FSHR: variants seen among roughly 807,000 people sequenced by gnomAD.
The protein encoded by FSHR is follicle-stimulating hormone receptor.
FSHR carries 46 observed loss-of-function variants against 52.1 expected under a neutral mutation model. The observed-to-expected ratio is 0.88, with a 90% CI of 0.70 to 1.13. The LOEUF is 1.13. Among genes scored for constraint, FSHR ranks in the 50% most tolerant of loss-of-function variants. The pLI is 0.00. For synonymous variants in FSHR, 399 were observed against 309.6 expected, an observed-to-expected ratio of 1.29 and a Z score of -3.03; for missense variants, 964 against 834.6, an observed-to-expected ratio of 1.16 and a Z score of -1.91.
chr2:49,054,107 T>C (rs1474272726), intron 2 of FSHR, among the ~76,000 whole-genome samples: 2 of 152,214 alleles, frequency 1.3e-5, no homozygotes, highest in African/African-American at 2.4e-5. Context: ...CCCATTGTGT[T>C]ACCTTGGACA....
intron 1 of FSHR, among the ~76,000 whole-genome samples, chr2:49,127,860 T>TTCCTCTTCCTCTTCCTCTTCCTCTTCC (rs1558456890): frequency 2.6e-5 from 1 of 38,390 alleles, no homozygotes; most frequent in African/African-American, 2.3e-4. Context: ...CTTCTTCTTC[T>TTCCTCTTCCTCTTCCTCTTCCTCTTCC]TCTTCTTCTT....
chr2:49,137,311 T>A (rs1404599430), intron 1 of FSHR, among the ~76,000 whole-genome samples: 1 of 152,010 alleles, frequency 6.6e-6, no homozygotes, highest in Non-Finnish European at 1.5e-5. Flanking sequence ...AAAACTTATG[T>A]CTTGAAAACT....
chr2:48,991,736 A>G (rs1315654773), intron 4 of FSHR, among the ~76,000 whole-genome samples: 1 of 152,146 alleles, frequency 6.6e-6, no homozygotes, highest in Non-Finnish European at 1.5e-5. Context: ...GAATTATTGG[A>G]CGCATTGTTC....
intron 4 of FSHR, chr2:48,997,249 C>T: frequency 1.0e-5 from 10 of 985,082 alleles, no homozygotes; most frequent in Non-Finnish European, 1.1e-5. Context: ...GTAGGAAAGC[C>T]TGGTTTCTTG....
chr2:49,102,283 C>A (rs1558442106), intron 1 of FSHR, among the ~76,000 whole-genome samples: 1 of 152,100 alleles, frequency 6.6e-6, no homozygotes, highest in Non-Finnish European at 1.5e-5. Flanking sequence ...TCCTTTGGGA[C>A]TTTGCTGGGA....
At chr2:49,108,168 G>T (rs1426588720) in intron 1 of FSHR, among the ~76,000 whole-genome samples, 1 of 152,106 alleles carries the variant, frequency 6.6e-6, no homozygotes, top group Non-Finnish European at 1.5e-5. Context: ...TGCTTAAGCT[G>T]AGACACTGGT....
At position 49,068,249 on chromosome 2, in the gene FSHR, G is replaced by T; in HGVS notation, c.194C>A (p.Ala65Glu). ...CTCCAGGTCCCCAAATCCTGAAAAT[G>T]CACCTTTTTGGATGACTCGAAGCTT... ...LTKLRVIQKG[A>E]FSGFGDLEKI... is the part of the protein sequence containing the mutation. Residue 65 changes from alanine to glutamate, a missense_variant, in exon 2 of 10, where the codon GCA (alanine) becomes GAA (glutamate). Coordinates refer to ENST00000406846, the MANE Select transcript of FSHR (RefSeq NM_000145.4). 1 of 1,611,212 alleles carries T rather than the reference G, an allele frequency of 6.2e-7. No individual in the cohort carries two copies. The highest frequency in any genetic ancestry group is 8.5e-7 in the Non-Finnish European group (1 of 1,178,600).
At chr2:49,136,232 T>C (rs1377782650) in intron 1 of FSHR, among the ~76,000 whole-genome samples, 1 of 152,076 alleles carries the variant, frequency 6.6e-6, no homozygotes, top group Admixed American at 6.6e-5. Flanking sequence ...TTTTTACAAA[T>C]GCACACCAAT....
At chr2:49,134,041 T>C (rs1479723034) in intron 1 of FSHR, among the ~76,000 whole-genome samples, 1 of 152,182 alleles carries the variant, frequency 6.6e-6, no homozygotes, top group African/African-American at 2.4e-5. Flanking sequence ...CCAAAAGCGA[T>C]GGCAACAAAA....
chr2:49,064,049 A>G (rs1011852691), intron 2 of FSHR, among the ~76,000 whole-genome samples: 1 of 141,742 alleles, frequency 7.1e-6, no homozygotes, highest in East Asian at 2.1e-4. Context: ...AAAAGTGGTA[A>G]GGCATGAAGA....
rs574459619 is a variant in FSHR at position 49,040,892 on chromosome 2, G to A, written c.225-20732C>T. 8.5e-5 allele frequency among the ~76,000 whole-genome samples: 13 copies of A among 152,274 alleles called. 1 individual carries two copies. Among genetic ancestry groups the A allele is most frequent in the African/African-American group, 1.4e-4 (6 of 41,550 alleles). On this transcript the variant is annotated intron_variant, in intron 2 of 9. Coordinates refer to ENST00000406846, the MANE Select transcript of FSHR (RefSeq NM_000145.4). ...ACATGGCCTTAAATCAGGGCCCAGC[G>A]TTGATTGATAAAGAAGCATTGATTG...
chr2:48,978,774 A>G (rs1675107205), intron 8 of FSHR, among the ~76,000 whole-genome samples: 1 of 152,200 alleles, frequency 6.6e-6, no homozygotes, highest in South Asian at 2.1e-4. Context: ...CTTTCTCTGC[A>G]TCTATCTTTC....
intron 8 of FSHR, among the ~76,000 whole-genome samples, chr2:48,974,189 A>G (rs2268363): frequency 0.22 from 33,892 of 152,094 alleles, 5,024 homozygotes; most frequent in African/African-American, 0.43. Context: ...CTGAGAATAT[A>G]AAAGTTACCA....
At chr2:48,977,297 G>T (rs572604839) in intron 8 of FSHR, among the ~76,000 whole-genome samples, 1 of 152,298 alleles carries the variant, frequency 6.6e-6, no homozygotes, top group East Asian at 1.9e-4. Context: ...AGGGAACCAT[G>T]GGACGGGATT....
chr2:49,061,184 G>T (rs1052602077), intron 2 of FSHR, among the ~76,000 whole-genome samples: 2 of 151,994 alleles, frequency 1.3e-5, no homozygotes, highest in African/African-American at 4.8e-5. Context: ...ATCTAATCCT[G>T]CCAAGGAGAG....
At chr2:49,053,634 G>A (rs972649684) in intron 2 of FSHR, among the ~76,000 whole-genome samples, 4 of 152,096 alleles carry the variant, frequency 2.6e-5, no homozygotes, top group Non-Finnish European at 2.9e-5. Context: ...AAAAGCTAAG[G>A]CATGAACAGT....
At chr2:49,080,917 G>A (rs978307043) in intron 1 of FSHR, among the ~76,000 whole-genome samples, 60 of 152,142 alleles carry the variant, frequency 3.9e-4, no homozygotes, top group Non-Finnish European at 1.9e-4. Context: ...CCAGGTATCT[G>A]ACAACTAGGG....
At chr2:49,034,368 T>C (rs901582245) in intron 2 of FSHR, among the ~76,000 whole-genome samples, 25 of 152,158 alleles carry the variant, frequency 1.6e-4, no homozygotes, top group African/African-American at 5.8e-4. Context: ...GCAAAGAATG[T>C]GGTTAACTTC....
chr2:49,024,261 G>T (rs769534660), intron 2 of FSHR, among the ~76,000 whole-genome samples: 5 of 151,494 alleles, frequency 3.3e-5, no homozygotes, highest in Non-Finnish European at 5.9e-5. Flanking sequence ...ATGTATCCCA[G>T]AATTTAAAGT....
Sources: allele counts gnomAD v4.1 joint callset (sites outside exome capture counted in the v4.1 genomes callset), GRCh38; gene constraint gnomAD v4.1.1; transcripts MANE v1.5; gene names NCBI Gene and HGNC (gene_info 2026-07-23, HGNC 2026-07-21).